The following FRMD4A variants were observed in gnomAD, a reference collection of about 807,000 sequenced individuals.
The protein encoded by FRMD4A is FERM domain containing 4A, also known as FERM domain-containing protein 4A.
In FRMD4A, 29 loss-of-function variants were observed where a neutral mutation model predicts 129.1. The observed-to-expected ratio is 0.22, with a 90% CI of 0.17 to 0.31. The LOEUF (loss-of-function observed/expected upper bound fraction) is 0.31. FRMD4A is among the 10% of genes least tolerant of loss of function. The pLI is 1.00. For synonymous variants in FRMD4A, 634 were observed against 571.6 expected, an observed-to-expected ratio of 1.11 and a Z score of -1.56; for missense variants, 1,272 against 1,375.8, an observed-to-expected ratio of 0.92 and a Z score of 1.19.
At chr10:13,893,417 C>T (rs1467506130) in intron 2 of FRMD4A, among the ~76,000 whole-genome samples, 1 of 152,172 alleles carries the variant, frequency 6.6e-6, no homozygotes, top group Admixed American at 6.5e-5. Context: ...GTTCTGAGGT[C>T]CTCAGAGGGC....
At chr10:13,997,707 C>T (rs563931275) in intron 2 of FRMD4A, among the ~76,000 whole-genome samples, 7 of 151,126 alleles carry the variant, frequency 4.6e-5, no homozygotes, top group East Asian at 3.9e-4. Context: ...ACTGCAGCCT[C>T]GACCTCTTGG....
intron 15 of FRMD4A, among the ~76,000 whole-genome samples, chr10:13,679,472 T>TACACACACACACACAC (rs1169130994): frequency 2.3e-4 from 5 of 21,394 alleles, no homozygotes; most frequent in East Asian, 5.7e-3. Context: ...TATATATATA[T>TACACACACACACACAC]ATACACACAC....
At chr10:14,048,543 T>A (rs950521919) in intron 2 of FRMD4A, among the ~76,000 whole-genome samples, 10 of 152,162 alleles carry the variant, frequency 6.6e-5, no homozygotes, top group Non-Finnish European at 1.3e-4. Flanking sequence ...TGGTGGCTCA[T>A]GCCTGTAATC....
At chr10:14,148,273 T>A (rs149399585) in intron 2 of FRMD4A, among the ~76,000 whole-genome samples, 52 of 152,330 alleles carry the variant, frequency 3.4e-4, no homozygotes, top group African/African-American at 1.2e-3. Flanking sequence ...GTTAATGAGC[T>A]CTATGGAGTT....
At chr10:13,702,786 C>T (rs1483299500) in intron 13 of FRMD4A, among the ~76,000 whole-genome samples, 6 of 151,250 alleles carry the variant, frequency 4.0e-5, no homozygotes, top group East Asian at 1.9e-4. Flanking sequence ...GGGCGGGGGT[C>T]GGGGGTGCTA....
chr10:13,778,156 C>T (rs752535950), intron 6 of FRMD4A, among the ~76,000 whole-genome samples: 1 of 152,016 alleles, frequency 6.6e-6, no homozygotes, highest in Non-Finnish European at 1.5e-5. Flanking sequence ...GCATTTACTT[C>T]GCTGCCCAAG....
intron 2 of FRMD4A, among the ~76,000 whole-genome samples, chr10:13,869,676 G>A (rs918106636): frequency 2.0e-5 from 3 of 152,218 alleles, no homozygotes; most frequent in Non-Finnish European, 2.9e-5. Context: ...GGGCAGCAGC[G>A]CTTTCTGGGT....
chr10:13,695,398 C>A (rs1295419259), intron 14 of FRMD4A, among the ~76,000 whole-genome samples: 2 of 152,178 alleles, frequency 1.3e-5, no homozygotes, highest in Admixed American at 6.5e-5. Flanking sequence ...GCTGCAGCCT[C>A]CCAAAGTGCT....
At chr10:13,995,299 C>A (rs977005818) in intron 2 of FRMD4A, among the ~76,000 whole-genome samples, 1 of 152,144 alleles carries the variant, frequency 6.6e-6, no homozygotes, top group African/African-American at 2.4e-5. Flanking sequence ...GTAAGATGAT[C>A]TGGGCTGGGC....
intron 12 of FRMD4A, among the ~76,000 whole-genome samples, chr10:13,719,601 AGG>A (rs2089226985): frequency 6.6e-6 from 1 of 152,166 alleles, no homozygotes; most frequent in South Asian, 2.1e-4. Context: ...ATTTTCCGGA[AGG>A]TCAGTTCAGC....
At chr10:14,016,194 A>T (rs2095698604) in intron 2 of FRMD4A, among the ~76,000 whole-genome samples, 1 of 152,252 alleles carries the variant, frequency 6.6e-6, no homozygotes, top group African/African-American at 2.4e-5. Context: ...AGGAAAACGC[A>T]GCCTGTGCTG....
At chr10:13,709,973 C>T (rs1309198332) in intron 12 of FRMD4A, among the ~76,000 whole-genome samples, 2 of 151,970 alleles carry the variant, frequency 1.3e-5, no homozygotes, top group African/African-American at 4.8e-5. Flanking sequence ...TTTTGGTGTG[C>T]CCATCCCCTG....
chr10:13,940,954 GAC>G (rs2131308809), intron 2 of FRMD4A, among the ~76,000 whole-genome samples: 1 of 152,310 alleles, frequency 6.6e-6, no homozygotes, highest in East Asian at 1.9e-4. Flanking sequence ...TGGTGCTACT[GAC>G]TATAAAGGAA....
intron 2 of FRMD4A, among the ~76,000 whole-genome samples, chr10:14,001,941 A>T (rs1045643255): frequency 1.3e-5 from 2 of 152,210 alleles, no homozygotes; most frequent in Admixed American, 6.5e-5. Flanking sequence ...ATACATTCAG[A>T]ATGTAAGCAG....
intron 5 of FRMD4A, among the ~76,000 whole-genome samples, chr10:13,794,391 C>CAAAAAAA (rs5783349): frequency 2.9e-5 from 3 of 102,934 alleles, no homozygotes; most frequent in South Asian, 3.7e-4. Flanking sequence ...GAATCCGTCT[C>CAAAAAAA]AAAAAAAAAA....
At chr10:13,841,598 C>A (rs530108501) in intron 3 of FRMD4A, among the ~76,000 whole-genome samples, 6 of 152,144 alleles carry the variant, frequency 3.9e-5, no homozygotes, top group African/African-American at 1.2e-4. Flanking sequence ...GGAGCCTTCC[C>A]GTTGGTGAAA....
At chr10:14,162,613 G>A (rs558415249) in intron 2 of FRMD4A, among the ~76,000 whole-genome samples, 2 of 150,284 alleles carry the variant, frequency 1.3e-5, no homozygotes, top group Admixed American at 1.3e-4. Context: ...AATTGAACAC[G>A]AGTCTTGAGT....
chr10:14,025,653 C>G (rs573388649), intron 2 of FRMD4A, among the ~76,000 whole-genome samples: 1 of 152,148 alleles, frequency 6.6e-6, no homozygotes, highest in African/African-American at 2.4e-5. Context: ...TTTTGCAAAA[C>G]GGAAACACTG....
intron 12 of FRMD4A, among the ~76,000 whole-genome samples, chr10:13,715,262 C>T (rs903299035): frequency 5.9e-5 from 9 of 152,050 alleles, no homozygotes; most frequent in South Asian, 4.1e-4. Flanking sequence ...CTCTCTAAAA[C>T]GAGGGGGTGT....
Sources: allele counts gnomAD v4.1 joint callset (sites outside exome capture counted in the v4.1 genomes callset), GRCh38; gene constraint gnomAD v4.1.1; transcripts MANE v1.5; gene names NCBI Gene and HGNC (gene_info 2026-07-23, HGNC 2026-07-21).